NALF1: variants seen among roughly 807,000 people sequenced by gnomAD.
The protein encoded by NALF1 is family with sequence similarity 155 member A.
In NALF1, 3 loss-of-function variants were observed where a neutral mutation model predicts 48.4. The observed-to-expected ratio is 0.06, with a 90% confidence interval of 0.03 to 0.16. The LOEUF (loss-of-function observed/expected upper bound fraction) is 0.16, where lower values mean the gene tolerates loss of function less well. Ranked by LOEUF, NALF1 falls within the 10% of genes least tolerant of loss-of-function variation. The pLI is 1.00. For synonymous variants in NALF1, 262 were observed against 245.7 expected, an observed-to-expected ratio of 1.07 and a Z score of -0.62; for missense variants, 526 against 571.5, an observed-to-expected ratio of 0.92 and a Z score of 0.81.
rs546736793 is a variant in NALF1 at position 107,720,674 on chromosome 13, A to AACTTAGCT, written c.915+145000_915+145007dup. 6.6e-5 allele frequency among the ~76,000 whole-genome samples: 10 copies of AACTTAGCT among 152,264 alleles called. 1 individual carries two copies. The South Asian group carries it at 2.1e-3, about 32-fold the overall frequency. On this transcript the variant is annotated intron_variant, in intron 1 of 2. Transcript: ENST00000375915. ...CAAATCAAATAAATAAAATAAAAGGAACTTAGCTAGGGAACCAGATAGAAT... is the reference window on the plus strand; with the variant it reads ...CAAATCAAATAAATAAAATAAAAGGAACTTAGCTACTTAGCTAGGGAACCAGATAGAAT...
At chr13:107,563,105 A>G (rs1458215455) in intron 1 of NALF1, among the ~76,000 whole-genome samples, 1 of 152,234 alleles carries the variant, frequency 6.6e-6, no homozygotes, top group African/African-American at 2.4e-5. Flanking sequence ...AAAACCATTT[A>G]CTGAGCACAA....
At chr13:107,663,586 TA>T (rs1359077968) in intron 1 of NALF1, among the ~76,000 whole-genome samples, 1 of 152,228 alleles carries the variant, frequency 6.6e-6, no homozygotes, top group Non-Finnish European at 1.5e-5. Context: ...TAATATCTCA[TA>T]CCACAGTTAA....
At chr13:107,295,021 GGGT>G (rs1881698868) in intron 1 of NALF1, among the ~76,000 whole-genome samples, 1 of 152,036 alleles carries the variant, frequency 6.6e-6, no homozygotes, top group East Asian at 1.9e-4. Flanking sequence ...TAGATTCAGG[GGGT>G]GCATGTGCAA....
chr13:107,305,000 A>G (rs1362851157), intron 1 of NALF1, among the ~76,000 whole-genome samples: 1 of 152,242 alleles, frequency 6.6e-6, no homozygotes, highest in Non-Finnish European at 1.5e-5. Flanking sequence ...ATGCATGGTG[A>G]TAATAAGCTA....
chr13:107,287,393 A>C (rs1343744866), intron 1 of NALF1, among the ~76,000 whole-genome samples: 1 of 152,176 alleles, frequency 6.6e-6, no homozygotes, highest in African/African-American at 2.4e-5. Flanking sequence ...AGCGACACAC[A>C]CAAATGCACA....
At chr13:107,439,249 T>G (rs1884517062) in intron 1 of NALF1, among the ~76,000 whole-genome samples, 2 of 152,186 alleles carry the variant, frequency 1.3e-5, no homozygotes, top group Non-Finnish European at 2.9e-5. Context: ...ATACTTAGTG[T>G]GATATCACAT....
At chr13:107,281,702 T>C (rs1380243468) in intron 1 of NALF1, among the ~76,000 whole-genome samples, 1 of 152,128 alleles carries the variant, frequency 6.6e-6, no homozygotes, top group East Asian at 1.9e-4. Flanking sequence ...GGGTAATTTA[T>C]GAAGGAAAGA....
chr13:107,606,054 T>C (rs1469320249), intron 1 of NALF1, among the ~76,000 whole-genome samples: 4 of 152,168 alleles, frequency 2.6e-5, no homozygotes, highest in Non-Finnish European at 4.4e-5. Flanking sequence ...AGTCTTCATT[T>C]ATATATACAG....
rs887784661 is a variant in NALF1 at position 107,453,501 on chromosome 13, C to T, written c.916-242746G>A. Among the ~76,000 whole-genome samples the T allele has an allele frequency of 6.6e-5, 10 of 152,310 alleles. No individual in the cohort carries two copies. The East Asian group carries it at 1.9e-3, about 30-fold the overall frequency. On this transcript the variant is annotated intron_variant, in intron 1 of 2. Transcript: ENST00000375915. ...GCAGCTAGGACACAGGGCATCAAGT[C>T]CCAAGGATGCACATAGCAAGGGGCC...
At chr13:107,464,147 T>C (rs1884962121) in intron 1 of NALF1, among the ~76,000 whole-genome samples, 1 of 152,120 alleles carries the variant, frequency 6.6e-6, no homozygotes, top group Admixed American at 6.5e-5. Flanking sequence ...TATGTTACCT[T>C]TGGCAACCTA....
At chr13:107,575,998 A>ACG (rs1878135230) in intron 1 of NALF1, among the ~76,000 whole-genome samples, 2 of 150,910 alleles carry the variant, frequency 1.3e-5, no homozygotes, top group Admixed American at 6.6e-5. Context: ...GTGCATGTAT[A>ACG]TGTGTGTGTG....
intron 1 of NALF1, among the ~76,000 whole-genome samples, chr13:107,426,074 T>A (rs1231758044): frequency 6.6e-6 from 1 of 152,212 alleles, no homozygotes. Flanking sequence ...CTTTGTGGCC[T>A]CCTCTTGCTC....
intron 1 of NALF1, among the ~76,000 whole-genome samples, chr13:107,741,398 GT>G (rs1294482273): frequency 5.9e-5 from 9 of 152,160 alleles, no homozygotes; most frequent in African/African-American, 1.9e-4. Flanking sequence ...TGTGGATAAA[GT>G]GAAGATATAT....
intron 1 of NALF1, among the ~76,000 whole-genome samples, chr13:107,451,225 A>G (rs915307911): frequency 6.6e-6 from 1 of 152,148 alleles, no homozygotes; most frequent in African/African-American, 2.4e-5. Flanking sequence ...CAGGAGGCAG[A>G]TGCCAGATAG....
intron 1 of NALF1, among the ~76,000 whole-genome samples, chr13:107,512,259 T>G (rs1048353085): frequency 1.5e-4 from 23 of 151,984 alleles, no homozygotes; most frequent in Non-Finnish European, 3.1e-4. Context: ...CCAGGCGAGG[T>G]AGCACACACC....
chr13:107,771,528 A>G (rs1877576780), intron 1 of NALF1, among the ~76,000 whole-genome samples: 1 of 149,694 alleles, frequency 6.7e-6, no homozygotes, highest in African/African-American at 2.4e-5. Context: ...AGTATAATAT[A>G]TAATATATAT....
At chr13:107,810,040 T>G (rs1464560120) in intron 1 of NALF1, among the ~76,000 whole-genome samples, 1 of 152,112 alleles carries the variant, frequency 6.6e-6, no homozygotes, top group Non-Finnish European at 1.5e-5. Flanking sequence ...CGCATCATAC[T>G]ACTATTTCAT....
rs1555329721 is a variant in NALF1, at chr13:107,851,805, C to CATTTTTTTTTTTTTTTTTTTTTTT, written c.915+13876_915+13877insAAAAAAAAAAAAAAAAAAAAAAAT. 5.7e-5 allele frequency among the ~76,000 whole-genome samples: 6 copies of CATTTTTTTTTTTTTTTTTTTTTTT among 104,698 alleles called. 1 individual carries two copies. Among genetic ancestry groups the CATTTTTTTTTTTTTTTTTTTTTTT allele is most frequent in the Non-Finnish European group, 7.5e-5 (4 of 53,608 alleles). The allele number at this position is 104,698 out of a possible 152,430, so 68.7% of individuals were successfully genotyped here. The stretch of plus-strand genomic sequence containing the variant: ...GGATTAAGGGCTTTACAGGCCCTTT[C>CATTTTTTTTTTTTTTTTTTTTTTT]TTTTTTTTTTTTTTTTTTTTTGAGA... On this transcript the variant is annotated intron_variant, in intron 1 of 2. Transcript: ENST00000375915.
chr13:107,239,630 G>C (rs1880426750), intron 1 of NALF1, among the ~76,000 whole-genome samples: 1 of 152,202 alleles, frequency 6.6e-6, no homozygotes, highest in Admixed American at 6.5e-5. Flanking sequence ...GGATAAGTTA[G>C]TGTTATTTAT....
Sources: allele counts gnomAD v4.1 joint callset (sites outside exome capture counted in the v4.1 genomes callset), GRCh38; gene constraint gnomAD v4.1.1; transcripts MANE v1.5; gene names NCBI Gene and HGNC (gene_info 2026-07-23, HGNC 2026-07-21).